The following ROCK1 variants were observed in gnomAD, a reference collection of about 807,000 sequenced individuals.
ROCK1 encodes rho-associated protein kinase 1.
In ROCK1, 36 loss-of-function variants were observed where a neutral mutation model predicts 196.8. The observed-to-expected ratio is 0.18, with a 90% confidence interval of 0.14 to 0.24. ROCK1 has a LOEUF of 0.24. Among genes scored for constraint, ROCK1 ranks in the 10% least tolerant of loss-of-function variants. The pLI is 1.00. For synonymous variants in ROCK1, 443 were observed against 515.9 expected, an observed-to-expected ratio of 0.86 and a Z score of 1.91; for missense variants, 920 against 1,562.0, an observed-to-expected ratio of 0.59 and a Z score of 6.93.
intron 29 of ROCK1, among the ~76,000 whole-genome samples, chr18:20,959,146 A>AT (rs2035297535): frequency 1.7e-5 from 1 of 59,060 alleles, no homozygotes; most frequent in African/African-American, 1.0e-4. Context: ...ATATTATATA[A>AT]AATATATATA....
chr18:20,990,067 A>G (rs1324530794), intron 18 of ROCK1, among the ~76,000 whole-genome samples: 1 of 151,844 alleles, frequency 6.6e-6, no homozygotes, highest in Non-Finnish European at 1.5e-5. Context: ...ACATAGTGAG[A>G]CTCTTTCTCT....
At chr18:21,079,395 G>A (rs192896512) in intron 1 of ROCK1, among the ~76,000 whole-genome samples, 93 of 152,280 alleles carry the variant, frequency 6.1e-4, no homozygotes, top group African/African-American at 8.2e-4. Flanking sequence ...ATCCCTCCAC[G>A]TGAGATCAAA....
At chr18:21,072,923 T>C (rs2036397368) in intron 1 of ROCK1, among the ~76,000 whole-genome samples, 1 of 151,480 alleles carries the variant, frequency 6.6e-6, no homozygotes, top group Non-Finnish European at 1.5e-5. Context: ...ATATAAAAAT[T>C]AGTCAGGCAT....
intron 2 of ROCK1, among the ~76,000 whole-genome samples, chr18:21,061,348 G>C (rs1178767334): frequency 1.3e-5 from 2 of 152,158 alleles, no homozygotes; most frequent in Non-Finnish European, 1.5e-5. Flanking sequence ...CCAAGGTGCT[G>C]GGCTTACAGG....
chr18:20,979,737 G>GT (rs568781523), intron 22 of ROCK1, among the ~76,000 whole-genome samples, 173 bp downstream of exon 22: 115 of 152,166 alleles, frequency 7.6e-4, no homozygotes, highest in African/African-American at 1.3e-3. Flanking sequence ...TTATAGCACT[G>GT]TTTTTTTCAC....
rs538569240 is a variant in ROCK1, at chr18:21,044,321, C to T, written c.591-135G>A. 3.6e-5 allele frequency: 17 copies of T among 469,374 alleles called. No individual in the cohort carries two copies. In the South Asian group the frequency reaches 7.3e-4, roughly 20 times the overall value. The allele number at this position is 469,374 out of a possible 1,614,324, so 29.1% of individuals were successfully genotyped here. A position where few individuals can be genotyped will look rare whatever the true frequency, so the allele number is the denominator to read the frequency against. The stretch of plus-strand genomic sequence containing the variant: ...CTTTGATCTGTATGTGTTCTCTATC[C>T]ACATCTATAAATTAAATTTCATCAA... On this transcript the variant is annotated intron_variant, in intron 5 of 32. Transcript: ENST00000399799.
chr18:21,108,672 T>C (rs1301527912), intron 1 of ROCK1, among the ~76,000 whole-genome samples: 1 of 152,178 alleles, frequency 6.6e-6, no homozygotes, highest in Non-Finnish European at 1.5e-5. Flanking sequence ...TAAAGTTCCA[T>C]TAATTCTTCT....
At chr18:21,013,961 G>C (rs895205215) in intron 13 of ROCK1, among the ~76,000 whole-genome samples, 3 of 151,798 alleles carry the variant, frequency 2.0e-5, no homozygotes, top group Admixed American at 6.6e-5. Flanking sequence ...AGCTACTCGG[G>C]AGGCTGAGGC....
intron 2 of ROCK1, among the ~76,000 whole-genome samples, chr18:21,067,787 C>T (rs745569464): frequency 4.6e-5 from 7 of 152,244 alleles, no homozygotes; most frequent in Admixed American, 3.9e-4. Flanking sequence ...TTTGGTATTA[C>T]GTCTAAGAAA....
intron 8 of ROCK1, among the ~76,000 whole-genome samples, chr18:21,040,086 C>T (rs2036092252): frequency 6.6e-6 from 1 of 152,114 alleles, no homozygotes; most frequent in African/African-American, 2.4e-5. Flanking sequence ...AGAATAACTA[C>T]AAAAAACACC....
chr18:21,012,388 G>T (rs1568383181), intron 13 of ROCK1, among the ~76,000 whole-genome samples: 1 of 152,098 alleles, frequency 6.6e-6, no homozygotes, highest in Non-Finnish European at 1.5e-5. Context: ...CATTTGAGAA[G>T]GATGTTTTAA....
intron 1 of ROCK1, among the ~76,000 whole-genome samples, chr18:21,092,594 A>AT (rs2036580425): frequency 6.6e-6 from 1 of 151,706 alleles, no homozygotes; most frequent in African/African-American, 2.4e-5. Context: ...AAAAAAAAAA[A>AT]AAAAAAAAAA....
At chr18:21,008,267 T>C in intron 13 of ROCK1, 73 bp from the exon 14 acceptor site, 1 of 1,152,516 alleles carries the variant, frequency 8.7e-7, no homozygotes, top group Non-Finnish European at 1.2e-6. Flanking sequence ...TATTTTGTTC[T>C]TAAAAACAAA....
At chr18:21,029,970 T>C (rs1400801661) in intron 9 of ROCK1, among the ~76,000 whole-genome samples, 1 of 152,126 alleles carries the variant, frequency 6.6e-6, no homozygotes, top group East Asian at 1.9e-4. Flanking sequence ...ATCACCTGGG[T>C]ATTTCAGGCA....
intron 1 of ROCK1, among the ~76,000 whole-genome samples, chr18:21,104,912 C>G (rs1213895222): frequency 6.6e-6 from 1 of 152,166 alleles, no homozygotes; most frequent in Non-Finnish European, 1.5e-5. Context: ...TTTTCAGTTA[C>G]AATTGGCTTA....
intron 14 of ROCK1, among the ~76,000 whole-genome samples, chr18:21,007,363 G>A (rs1258367913): frequency 6.6e-6 from 1 of 152,106 alleles, no homozygotes; most frequent in African/African-American, 2.4e-5. Flanking sequence ...TTAAGGAGAT[G>A]ATTTATTATT....
intron 16 of ROCK1, among the ~76,000 whole-genome samples, chr18:20,994,172 T>G (rs1208159356): frequency 6.6e-6 from 1 of 152,222 alleles, no homozygotes; most frequent in Non-Finnish European, 1.5e-5. Flanking sequence ...CATGTTGCAG[T>G]AAGTTCATGT....
At chr18:21,057,066 CTCTT>C (rs2036250488) in intron 2 of ROCK1, among the ~76,000 whole-genome samples, 1 of 152,170 alleles carries the variant, frequency 6.6e-6, no homozygotes, top group Admixed American at 6.5e-5. Context: ...AGATTTTGAC[CTCTT>C]TGTTATTCAC....
rs867790796 is a variant in ROCK1, at chr18:21,041,875, T to C, written c.959+222A>G. Among the ~76,000 whole-genome samples, 6 of 152,158 alleles carry C rather than the reference T, an allele frequency of 3.9e-5. No individual in the cohort carries two copies. In the South Asian group the frequency reaches 1.2e-3, roughly 31 times the overall value. On this transcript the variant is annotated intron_variant, in intron 8 of 32. Transcript: ENST00000399799. ...CAATAAAAGAAAAAAGTCATCTAGT[T>C]TAGCCATCAGCCAAGACTGTATTAT...
Sources: allele counts gnomAD v4.1 joint callset (sites outside exome capture counted in the v4.1 genomes callset), GRCh38; gene constraint gnomAD v4.1.1; transcripts MANE v1.5; gene names NCBI Gene and HGNC (gene_info 2026-07-23, HGNC 2026-07-21).